Variants in RPL11 observed in about 807,000 individuals in gnomAD.
The protein encoded by RPL11 is large ribosomal subunit protein uL5.
A neutral mutation model predicts 24.1 loss-of-function variants in RPL11; 3 were observed. The ratio of observed to expected loss-of-function variants is 0.12; its 90% CI spans 0.06 to 0.32. The LOEUF is 0.32. Ranked by LOEUF, RPL11 falls within the 10% of genes least tolerant of loss-of-function variation. The pLI is 1.00. For synonymous variants in RPL11, 96 were observed against 75.7 expected (o/e 1.27, Z -1.39); for missense variants, 146 against 225.7 (o/e 0.65, Z 2.26).
At chr1:23,692,822 A>G in intron 2 of RPL11, 63 bp downstream of exon 2, 1 of 1,601,446 alleles carries the variant, frequency 6.2e-7, no homozygotes, top group Non-Finnish European at 8.5e-7. Context: ...TTCTTGATTT[A>G]CCTGCTGTCG....
At chr1:23,696,091 T>G (rs531857888) in intron 5 of RPL11, 183 bp downstream of exon 5, 1 of 760,530 alleles carries the variant, frequency 1.3e-6, no homozygotes, top group South Asian at 1.5e-5. Context: ...GAACTAGGCC[T>G]TCTCCCTGTC....
intron 4 of RPL11, 28 bp downstream of exon 4, chr1:23,694,819 C>G (rs1644523408): frequency 1.2e-6 from 2 of 1,614,020 alleles, no homozygotes; most frequent in African/African-American, 2.7e-5. Flanking sequence ...TTTCCCGCTC[C>G]TGGTCTGTGA....
In RPL11 at chr1:23,696,594, C is replaced by T. The variant is rs1644534095; in HGVS notation, c.*221C>T. 6.6e-6 allele frequency: 4 copies of T among 608,914 alleles called. No individual in the cohort carries two copies. The highest frequency in any genetic ancestry group is 2.8e-5 in the East Asian group (1 of 35,412). 37.7% of individuals were successfully genotyped at this position (608,914 alleles called of 1,614,324 possible). On this transcript the variant is annotated 3_prime_UTR_variant, in exon 6 of 6. Coordinates refer to ENST00000643754, the MANE Select transcript of RPL11 (RefSeq NM_000975.5). Reference sequence around the variant, plus strand: ...AGCTTCATAGCATTCATTGCCTGTGCTTGCCACACCTTGGTTGATGTGCTG... The same window carrying T: ...AGCTTCATAGCATTCATTGCCTGTGTTTGCCACACCTTGGTTGATGTGCTG...
chr1:23,696,448 G>T lies in RPL11; in HGVS notation c.*75G>T, dbSNP rs1397093417. The T allele has an allele frequency of 6.8e-7, 1 of 1,479,946 alleles. No individual in the cohort carries two copies. The highest frequency in any genetic ancestry group is 2.3e-5 in the East Asian group (1 of 44,220). 91.7% of individuals were successfully genotyped at this position (1,479,946 alleles called of 1,614,324 possible). A position where few individuals can be genotyped will look rare whatever the true frequency, so the allele number is the denominator to read the frequency against. ...CAATTCTGTTGTGTGTTCTGTGAAAGGATCCTGGCCATATTCAAGTCCTTG... is the reference window on the plus strand; with the variant it reads ...CAATTCTGTTGTGTGTTCTGTGAAATGATCCTGGCCATATTCAAGTCCTTG... On this transcript the variant is annotated 3_prime_UTR_variant, in exon 6 of 6. Transcript: ENST00000643754.
chr1:23,696,527 C>T lies in RPL11; in HGVS notation c.*154C>T, dbSNP rs1418195801. ...GAGTAGCTGGTAACAACCCCGTCAT[C>T]CTCTGATTGGATGCCAGTATTTCCT... On this transcript the variant is annotated 3_prime_UTR_variant, in exon 6 of 6. Transcript: ENST00000643754. 9.6e-6 allele frequency: 7 copies of T among 726,046 alleles called. No individual in the cohort carries two copies. The highest frequency in any genetic ancestry group is 2.1e-5 in the Admixed American group (1 of 47,944). 45.0% of individuals were successfully genotyped at this position (726,046 alleles called of 1,614,324 possible).
rs1644533401 is a variant in RPL11, at chr1:23,696,473, G to A, written c.*100G>A. On this transcript the variant is annotated 3_prime_UTR_variant, in exon 6 of 6. Transcript: ENST00000643754. ...GGATCCTGGCCATATTCAAGTCCTT[G>A]GACCTCAAGCCACTTAAAGCTTCGA... 7 of 1,245,900 alleles carry A rather than the reference G, an allele frequency of 5.6e-6. No homozygotes were observed. Among genetic ancestry groups the A allele is most frequent in the African/African-American group, 1.5e-5 (1 of 67,706 alleles). The allele number at this position is 1,245,900 out of a possible 1,614,324, so 77.2% of individuals were successfully genotyped here.
intron 2 of RPL11, among the ~76,000 whole-genome samples, chr1:23,693,367 C>T (rs940756127): frequency 6.6e-6 from 1 of 152,174 alleles, no homozygotes; most frequent in Non-Finnish European, 1.5e-5. Flanking sequence ...GATTCCACTC[C>T]TGCTTTTTGT....
intron 4 of RPL11, 178 bp from the exon 5 acceptor site, chr1:23,695,620 G>C: frequency 1.5e-6 from 1 of 666,694 alleles, no homozygotes. Context: ...CTTACAGTAT[G>C]GCTGTGTGTT....
rs777776482 is a variant in RPL11 at position 23,693,879 on chromosome 1, C to A, written c.230C>A (p.Ala77Asp). The A allele has an allele frequency of 6.2e-7, 1 of 1,614,100 alleles. No homozygotes were observed. Among genetic ancestry groups the A allele is most frequent in the Non-Finnish European group, 8.5e-7 (1 of 1,179,988 alleles). The change falls in exon 3 of 6, where the codon GCC (alanine) becomes GAC (aspartate). Residue 77 changes from alanine to aspartate, a missense_variant. Transcript: ENST00000643754. ...KIAVHCTVRG[A>D]KAEEILEKGL... Reference sequence around the variant, plus strand: ...GCTGTCCACTGCACAGTTCGAGGGGCCAAGGCAGAAGAAATCTTGGAGAAG... The same window carrying A: ...GCTGTCCACTGCACAGTTCGAGGGGACAAGGCAGAAGAAATCTTGGAGAAG...
At chr1:23,694,627 CAAGG>C in intron 3 of RPL11, 29 bp from the exon 4 acceptor site, 1 of 1,613,194 alleles carries the variant, frequency 6.2e-7, no homozygotes, top group Non-Finnish European at 8.5e-7. Flanking sequence ...TTGAAGATGA[CAAGG>C]AATGTTATTG....
intron 2 of RPL11, among the ~76,000 whole-genome samples, chr1:23,693,074 G>C (rs1644511493): frequency 1.3e-5 from 2 of 152,136 alleles, no homozygotes; most frequent in Non-Finnish European, 1.5e-5. Flanking sequence ...TTAGCAGTTA[G>C]GGTTATATAG....
intron 2 of RPL11, 90 bp downstream of exon 2, chr1:23,692,849 G>GA: frequency 6.5e-7 from 1 of 1,543,876 alleles, no homozygotes. Flanking sequence ...TTTAGAAAGT[G>GA]ACAGTCGGCA....
intron 1 of RPL11, chr1:23,692,216 C>T (rs182085428): frequency 1.8e-5 from 8 of 435,126 alleles, no homozygotes; most frequent in African/African-American, 4.0e-5. Flanking sequence ...CTTTAGACAG[C>T]TTCCGAATAG....
intron 2 of RPL11, among the ~76,000 whole-genome samples, chr1:23,693,580 T>C (rs184559232): frequency 1.3e-5 from 2 of 152,364 alleles, no homozygotes; most frequent in African/African-American, 4.8e-5. Context: ...GCGTTATGAC[T>C]GTTCTTAACT....
rs1323620951 is a variant in RPL11 at position 23,693,979 on chromosome 1, T to TA, written c.264+67dup. The TA allele has an allele frequency of 3.4e-6, 4 of 1,160,482 alleles. No homozygotes were observed. In the East Asian group the frequency reaches 9.5e-5, roughly 27 times the overall value. 71.9% of individuals were successfully genotyped at this position (1,160,482 alleles called of 1,614,324 possible). A position where few individuals can be genotyped will look rare whatever the true frequency, so the allele number is the denominator to read the frequency against. On this transcript the variant is annotated intron_variant, in intron 3 of 5. Transcript: ENST00000643754. ...CCTTTAGTAACACATGTAGATAAGTTACATTTAATGTTCTGTTCTTTGGTG... is the reference window on the plus strand; with the variant it reads ...CCTTTAGTAACACATGTAGATAAGTTAACATTTAATGTTCTGTTCTTTGGTG...
chr1:23,693,924 T>A lies in RPL11; in HGVS notation c.264+11T>A, dbSNP rs1644517714. The A allele has an allele frequency of 1.3e-6, 2 of 1,595,532 alleles. No homozygotes were observed. Among genetic ancestry groups the A allele is most frequent in the Non-Finnish European group, 1.7e-6 (2 of 1,163,212 alleles). ...GAGAAGGGTCTAAAGGTGAGCCTAA[T>A]CCCCTAATGGAGTGATATTGATCAG... On this transcript the variant is annotated intron_variant, in intron 3 of 5. Transcript: ENST00000643754.
At chr1:23,693,215 A>G (rs1322841849) in intron 2 of RPL11, among the ~76,000 whole-genome samples, 2 of 152,166 alleles carry the variant, frequency 1.3e-5, no homozygotes, top group Admixed American at 6.6e-5. Flanking sequence ...TGATGGCTTC[A>G]CCATTTGCTG....
At chr1:23,692,211 GAC>G (rs2124428506) in intron 1 of RPL11, 1 of 439,576 alleles carries the variant, frequency 2.3e-6, no homozygotes, top group East Asian at 4.7e-5. Flanking sequence ...CCAGCCTTTA[GAC>G]AGCTTCCGAA....
At chr1:23,695,694 G>C in intron 4 of RPL11, 104 bp from the exon 5 acceptor site, 1 of 1,065,612 alleles carries the variant, frequency 9.4e-7, no homozygotes, top group Non-Finnish European at 1.4e-6. Context: ...GAATCCATTG[G>C]GCTGCCAAGT....
Sources: allele counts gnomAD v4.1 joint callset (sites outside exome capture counted in the v4.1 genomes callset), GRCh38; gene constraint gnomAD v4.1.1; transcripts MANE v1.5; gene names NCBI Gene and HGNC (gene_info 2026-07-23, HGNC 2026-07-21).